Variants in SORCS1 observed in about 807,000 individuals in gnomAD.
The protein encoded by SORCS1 is sortilin related VPS10 domain containing receptor 1.
In SORCS1, 60 loss-of-function variants were observed where a neutral mutation model predicts 146.1. The observed-to-expected ratio is 0.41, with a 90% CI of 0.33 to 0.51. The LOEUF (loss-of-function observed/expected upper bound fraction) is 0.51. Among genes scored for constraint, SORCS1 ranks in the 20% least tolerant of loss-of-function variants. The pLI is 0.21. For synonymous variants in SORCS1, 637 were observed against 584.0 expected (o/e 1.09, Z -1.31); for missense variants, 1,352 against 1,487.6 (o/e 0.91, Z 1.50).
chr10:107,051,471 AGTT>A (rs1223641449), intron 1 of SORCS1, among the ~76,000 whole-genome samples: 1 of 152,184 alleles, frequency 6.6e-6, no homozygotes, highest in African/African-American at 2.4e-5. Flanking sequence ...ACATGTTTCT[AGTT>A]GTCAACGCCA....
intron 1 of SORCS1, among the ~76,000 whole-genome samples, chr10:107,033,909 C>T (rs1300592247): frequency 6.6e-6 from 1 of 152,182 alleles, no homozygotes; most frequent in Non-Finnish European, 1.5e-5. Flanking sequence ...TGAGCCTCCA[C>T]ATAAAGAAAT....
chr10:106,849,824 G>A (rs925329556), intron 2 of SORCS1, among the ~76,000 whole-genome samples: 9 of 151,822 alleles, frequency 5.9e-5, no homozygotes, highest in Non-Finnish European at 1.3e-4. Flanking sequence ...CTCAGCTGCA[G>A]GTCTGTTAGA....
chr10:107,116,254 C>T (rs914636952), intron 1 of SORCS1, among the ~76,000 whole-genome samples: 1 of 152,072 alleles, frequency 6.6e-6, no homozygotes, highest in Non-Finnish European at 1.5e-5. Context: ...CCAGCAATCT[C>T]GCCCTGGGAC....
intron 10 of SORCS1, among the ~76,000 whole-genome samples, chr10:106,680,027 C>T (rs1424134096): frequency 6.6e-6 from 1 of 152,100 alleles, no homozygotes; most frequent in Non-Finnish European, 1.5e-5. Flanking sequence ...GGCATGAGAT[C>T]CTTCCATTAA....
At chr10:107,050,597 C>A (rs1297452084) in intron 1 of SORCS1, among the ~76,000 whole-genome samples, 6 of 152,128 alleles carry the variant, frequency 3.9e-5, no homozygotes, top group Non-Finnish European at 1.5e-5. Flanking sequence ...CTCCTCAAAA[C>A]TGAATTCTGT....
intron 1 of SORCS1, among the ~76,000 whole-genome samples, chr10:107,114,311 G>A (rs1415718250): frequency 6.6e-6 from 1 of 152,080 alleles, no homozygotes; most frequent in Non-Finnish European, 1.5e-5. Context: ...GCCAGGTAAG[G>A]ATAATACCAG....
At chr10:106,591,280 C>T (rs1453947055) in intron 24 of SORCS1, among the ~76,000 whole-genome samples, 2 of 152,074 alleles carry the variant, frequency 1.3e-5, no homozygotes, top group Admixed American at 1.3e-4. Context: ...AAGGATAGGC[C>T]CAGTTTTCTT....
In SORCS1 at chr10:106,651,416, C is replaced by A. The variant is rs921530319; in HGVS notation, c.2475+966G>T. Among the ~76,000 whole-genome samples the A allele has an allele frequency of 5.2e-4, 79 of 152,196 alleles. 1 individual carries two copies. Among genetic ancestry groups the A allele is most frequent in the African/African-American group, 1.9e-3 (77 of 41,522 alleles). On this transcript the variant is annotated intron_variant, in intron 18 of 25. Transcript: ENST00000263054. Reference sequence around the variant, plus strand: ...CTTGTTAGAAATGTATATTCTTGGGCCCTACTCCAACCTACTGAATCAGAA... The same window carrying A: ...CTTGTTAGAAATGTATATTCTTGGGACCTACTCCAACCTACTGAATCAGAA...
rs570164171 is a variant in SORCS1 at position 107,060,209 on chromosome 10, A to G, written c.559-103629T>C. ...TGTAGACAGAAGGATGGAAATGACA[A>G]TGAGGATCTGAAGTTTACATGCTGT... On this transcript the variant is annotated intron_variant, in intron 1 of 25. Transcript: ENST00000263054. This position sits in a 1 kb window ranked among gnomAD's most constrained non-coding sequence, Gnocchi z 4.1. Among the ~76,000 whole-genome samples, 8 of 152,230 alleles carry G rather than the reference A, an allele frequency of 5.3e-5. No individual in the cohort carries two copies. In the South Asian group the frequency reaches 1.7e-3, roughly 32 times the overall value.
At chr10:107,096,524 T>G (rs989608987) in intron 1 of SORCS1, among the ~76,000 whole-genome samples, 6 of 152,142 alleles carry the variant, frequency 3.9e-5, no homozygotes, top group African/African-American at 1.4e-4. Context: ...ATTTATTTAT[T>G]TATTTTGAGA....
chr10:107,149,494 G>A (rs1014193087), intron 1 of SORCS1, among the ~76,000 whole-genome samples: 4 of 152,160 alleles, frequency 2.6e-5, no homozygotes, highest in African/African-American at 9.7e-5. Context: ...CCACTGTTAA[G>A]GCTCTAAAAG....
At chr10:106,817,432 C>A (rs1947798308) in intron 3 of SORCS1, among the ~76,000 whole-genome samples, 1 of 152,112 alleles carries the variant, frequency 6.6e-6, no homozygotes, top group Non-Finnish European at 1.5e-5. Flanking sequence ...CCTGCTTCCC[C>A]ACAAATGCTT....
At chr10:106,800,791 G>A (rs822001) in intron 3 of SORCS1, among the ~76,000 whole-genome samples, 4 of 151,740 alleles carry the variant, frequency 2.6e-5, no homozygotes, top group Non-Finnish European at 4.4e-5. Context: ...TCTGCCTGCC[G>A]CAGTCTCCCA....
intron 25 of SORCS1, chr10:106,578,968 G>A (rs528126840): frequency 1.4e-6 from 2 of 1,446,858 alleles, no homozygotes; most frequent in East Asian, 2.5e-5. Context: ...AGCCATCTTA[G>A]CTGTTTCTCT....
At chr10:106,984,560 A>T (rs924452765) in intron 1 of SORCS1, among the ~76,000 whole-genome samples, 1 of 151,476 alleles carries the variant, frequency 6.6e-6, no homozygotes, top group East Asian at 2.0e-4. Context: ...CGCCCAGCTA[A>T]TTTTTTGCAT....
At chr10:106,878,923 G>A (rs538437300) in intron 2 of SORCS1, among the ~76,000 whole-genome samples, 18 of 151,530 alleles carry the variant, frequency 1.2e-4, no homozygotes, top group African/African-American at 3.6e-4. Context: ...TGAGGCTGGC[G>A]AATCATGAGG....
At chr10:106,594,534 TGGA>T (rs1192331264) in intron 24 of SORCS1, among the ~76,000 whole-genome samples, 9 of 152,188 alleles carry the variant, frequency 5.9e-5, no homozygotes, top group Admixed American at 5.2e-4. Context: ...CAGACACAGA[TGGA>T]GGAGAAGTAT....
chr10:106,863,518 C>T (rs1007535689), intron 2 of SORCS1, among the ~76,000 whole-genome samples: 1 of 145,966 alleles, frequency 6.9e-6, no homozygotes, highest in Non-Finnish European at 1.5e-5. Context: ...GAGCATGACT[C>T]CATTTCAAAA....
rs189846887 is a variant in SORCS1, at chr10:107,125,081, C to A, written c.558+38888G>T. On this transcript the variant is annotated intron_variant, in intron 1 of 25. Transcript: ENST00000263054. ...GATTCCCCTGCCTCCGCCTCCCAAG[C>A]AGCTGGGACTACAGGCATGCACCAA... Among the ~76,000 whole-genome samples the A allele has an allele frequency of 4.6e-4, 70 of 151,450 alleles. 1 individual carries two copies. The highest frequency in any genetic ancestry group is 1.6e-3 in the African/African-American group (66 of 41,236).
Sources: gnomAD v4.1 joint callset for allele counts (sites outside exome capture counted in the v4.1 genomes callset) on GRCh38, gnomAD v4.1.1 for gene constraint, Gnocchi (gnomAD v3.1) non-coding constraint, MANE v1.5 for transcripts, NCBI Gene and HGNC (gene_info 2026-07-23, HGNC 2026-07-21) for gene names.